Variants in BMX observed in about 807,000 individuals in gnomAD.
BMX encodes the protein cytoplasmic tyrosine-protein kinase BMX.
Under a neutral mutation model 59.2 loss-of-function variants are expected in BMX, and 31 were observed. The observed-to-expected ratio is 0.52, with a 90% CI of 0.39 to 0.71. The LOEUF (loss-of-function observed/expected upper bound fraction) is 0.71. Among genes scored for constraint, BMX ranks in the 30% least tolerant of loss-of-function variants. The pLI is 0.00. For missense variants in BMX, 474 were observed against 491.7 expected (o/e 0.96, Z 0.34); for synonymous variants, 185 against 181.0 (o/e 1.02, Z -0.18).
chrX:15,523,221 C>A (rs1480069132), intron 7 of BMX, among the ~76,000 whole-genome samples: 1 of 111,997 alleles, frequency 8.9e-6, no homozygotes, highest in African/African-American at 3.3e-5. Flanking sequence ...ACTCCCCTTC[C>A]TTATTTCCTG....
intron 18 of BMX, 139 bp from the exon 19 acceptor site, chrX:15,555,934 C>T: frequency 1.8e-6 from 1 of 542,304 alleles, no homozygotes; most frequent in Non-Finnish European, 2.9e-6. Context: ...TATTTCTGAC[C>T]TCAATTGAAA....
At chrX:15,530,511 T>G (rs1452927788) in intron 10 of BMX, among the ~76,000 whole-genome samples, 1 of 112,034 alleles carries the variant, frequency 8.9e-6, no homozygotes, top group Non-Finnish European at 1.9e-5. Context: ...GCAAGCACTT[T>G]TCGAGTCTCT....
At position 15,537,282 on chromosome X, in the gene BMX, C is replaced by A. The variant is rs754428384; in HGVS notation, c.1371C>A (p.Phe457Leu). 1.2e-5 allele frequency: 14 copies of A among 1,208,702 alleles called. No homozygotes were observed. The Admixed American group carries it at 2.0e-4, about 17-fold the overall frequency. The change falls in exon 14 of 19, where the codon TTC (phenylalanine) becomes TTA (leucine). Residue 457 changes from phenylalanine to leucine, a missense_variant. Phe to Leu is a conservative substitution (Grantham distance 22). Transcript: ENST00000348343. Reference protein sequence around the residue: ...IKEGSMSEDEFFQEAQTMMKL... With the variant: ...IKEGSMSEDELFQEAQTMMKL... Reference sequence around the variant, plus strand: ...AGGGCTCCATGTCAGAAGATGAATTCTTTCAGGAGGCCCAGACTATGATGT... The same window carrying A: ...AGGGCTCCATGTCAGAAGATGAATTATTTCAGGAGGCCCAGACTATGATGT...
At chrX:15,519,976 A>G (rs1924365822) in intron 6 of BMX, among the ~76,000 whole-genome samples, 1 of 112,038 alleles carries the variant, frequency 8.9e-6, no homozygotes, top group Non-Finnish European at 1.9e-5. Flanking sequence ...ACTGGAGATC[A>G]CACATCAACA....
intron 1 of BMX, among the ~76,000 whole-genome samples, chrX:15,503,290 T>C (rs1923633641): frequency 8.9e-6 from 1 of 112,388 alleles, no homozygotes; most frequent in Non-Finnish European, 1.9e-5. Flanking sequence ...ATTTTGCTAT[T>C]TAACACTGCC....
chrX:15,543,239 T>C (rs924552629), intron 16 of BMX, 104 bp downstream of exon 16: 8 of 776,404 alleles, frequency 1.0e-5, no homozygotes, highest in South Asian at 3.3e-5. Context: ...GTGCTCTGAA[T>C]TGGGGGCTTA....
At chrX:15,507,249 A>T (rs1437917209) in intron 1 of BMX, 1 of 636,256 alleles carries the variant, frequency 1.6e-6, no homozygotes. Flanking sequence ...TTCCTGATCA[A>T]GACTGATGAG....
intron 5 of BMX, 147 bp from the exon 6 acceptor site, chrX:15,517,782 C>T: frequency 4.1e-6 from 2 of 491,040 alleles, no homozygotes; most frequent in Non-Finnish European, 6.8e-6. Flanking sequence ...AGGAAAGCTA[C>T]AGAATCACTC....
chrX:15,526,837 C>T (rs1292424511), intron 9 of BMX, among the ~76,000 whole-genome samples: 3 of 110,646 alleles, frequency 2.7e-5, no homozygotes, highest in East Asian at 5.6e-4. Context: ...CCACCCGCCT[C>T]GGCCTCCCAA....
chrX:15,532,504 T>A (rs999084584), intron 11 of BMX, among the ~76,000 whole-genome samples: 2 of 111,616 alleles, frequency 1.8e-5, no homozygotes, highest in Non-Finnish European at 3.8e-5. Flanking sequence ...CACCTCTGTG[T>A]TTACACTGAA....
intron 6 of BMX, among the ~76,000 whole-genome samples, chrX:15,521,490 A>G (rs1287366822): frequency 8.9e-6 from 1 of 112,251 alleles, no homozygotes; most frequent in Non-Finnish European, 1.9e-5. Flanking sequence ...AGCAACATAC[A>G]TTTATTCTCT....
intron 15 of BMX, 140 bp from the exon 16 acceptor site, chrX:15,542,931 A>C: frequency 1.9e-6 from 1 of 518,896 alleles, no homozygotes; most frequent in Non-Finnish European, 3.2e-6. Context: ...ATTGCAAAGG[A>C]AAAAAAAGAC....
At chrX:15,519,893 G>C (rs1924361596) in intron 6 of BMX, among the ~76,000 whole-genome samples, 1 of 111,856 alleles carries the variant, frequency 8.9e-6, no homozygotes, top group African/African-American at 3.3e-5. Context: ...ACTACCATGA[G>C]AATGGCACTA....
At chrX:15,536,282 T>C in intron 12 of BMX, 71 bp from the exon 13 acceptor site, 1 of 1,069,902 alleles carries the variant, frequency 9.3e-7, no homozygotes, top group Non-Finnish European at 1.3e-6. Context: ...AGACTAGTTG[T>C]GAACCAATGT....
chrX:15,551,347 G>A (rs1359314416), intron 18 of BMX, among the ~76,000 whole-genome samples: 1 of 110,934 alleles, frequency 9.0e-6, no homozygotes. Flanking sequence ...ATCCTGTCGT[G>A]ATCACTTACT....
In BMX at chrX:15,554,187, A is replaced by G. The variant is rs151135785; in HGVS notation, c.1954-1886A>G. Among the ~76,000 whole-genome samples, 7 of 112,481 alleles carry G rather than the reference A, an allele frequency of 6.2e-5. No individual in the cohort carries two copies. The East Asian group carries it at 2.0e-3, about 31-fold the overall frequency. The stretch of plus-strand genomic sequence containing the variant: ...TTCTCTCTTACAAAGAAAAAGTAGC[A>G]TATGAACTTCTCCTCTCCATAGGCG... On this transcript the variant is annotated intron_variant, in intron 18 of 18. Coordinates refer to ENST00000348343, the MANE Select transcript of BMX (RefSeq NM_203281.3).
intron 1 of BMX, among the ~76,000 whole-genome samples, chrX:15,505,653 G>T (rs1216666415): frequency 8.9e-6 from 1 of 112,006 alleles, no homozygotes; most frequent in Non-Finnish European, 1.9e-5. Context: ...GCAGGATTTT[G>T]AAATGAACAA....
chrX:15,511,414 A>T, intron 3 of BMX, 23 bp from the exon 4 acceptor site: 1 of 1,160,133 alleles, frequency 8.6e-7, no homozygotes, highest in Admixed American at 2.4e-5. Context: ...ATATATAAAC[A>T]CACCAAATAT....
chrX:15,515,932 T>A (rs1212564551), intron 4 of BMX, among the ~76,000 whole-genome samples, 180 bp from the exon 5 acceptor site: 3 of 112,594 alleles, frequency 2.7e-5, no homozygotes, highest in Non-Finnish European at 5.6e-5. Context: ...CTTTTCTTTT[T>A]TCTTTTTGGC....
Sources: gnomAD v4.1 joint callset for allele counts (sites outside exome capture counted in the v4.1 genomes callset) on GRCh38, gnomAD v4.1.1 for gene constraint, MANE v1.5 for transcripts, NCBI Gene and HGNC (gene_info 2026-07-23, HGNC 2026-07-21) for gene names.